Variants in TBC1D22A observed in about 807,000 individuals in gnomAD.
TBC1D22A encodes putative GTPase activator.
A neutral mutation model predicts 60.2 loss-of-function variants in TBC1D22A; 38 were observed. The ratio of observed to expected loss-of-function variants is 0.63; its 90% confidence interval spans 0.49 to 0.83. The LOEUF is 0.83. Ranked by LOEUF, TBC1D22A falls within the 40% of genes least tolerant of loss-of-function variation. The probability of loss-of-function intolerance (pLI) is 0.00; values close to 1 mark genes in which losing one functional copy is unlikely to be tolerated. For missense variants in TBC1D22A, 628 were observed against 701.0 expected (o/e 0.90, Z 1.18); for synonymous variants, 302 against 281.7 (o/e 1.07, Z -0.72).
At chr22:47,125,549 A>G (rs896916754) in intron 12 of TBC1D22A, among the ~76,000 whole-genome samples, 2 of 152,246 alleles carry the variant, frequency 1.3e-5, no homozygotes, top group African/African-American at 4.8e-5. Context: ...GCAGAGTTTA[A>G]TAGCTTTCTT....
At position 47,030,493 on chromosome 22, in the gene TBC1D22A, G is replaced by T. The variant is rs562222386; in HGVS notation, c.1202-6578G>T. On this transcript the variant is annotated intron_variant, in intron 10 of 12. Coordinates refer to ENST00000337137, the MANE Select transcript of TBC1D22A (RefSeq NM_014346.5). ...TGTGGATCTGCTGTTTAAAGTGCTG[G>T]GAAAAGTGTTCAACAAATATTGTGG... Among the ~76,000 whole-genome samples, 3 of 152,320 alleles carry T rather than the reference G, an allele frequency of 2.0e-5. No homozygotes were observed. The East Asian group carries it at 5.8e-4, about 29-fold the overall frequency.
intron 1 of TBC1D22A, among the ~76,000 whole-genome samples, chr22:46,769,334 A>G (rs1037392081): frequency 1.3e-5 from 2 of 152,206 alleles, no homozygotes; most frequent in African/African-American, 4.8e-5. Context: ...GGGGATAATG[A>G]ATTCATTTGG....
chr22:46,898,956 C>T (rs545406438), intron 7 of TBC1D22A, among the ~76,000 whole-genome samples: 1 of 152,228 alleles, frequency 6.6e-6, no homozygotes, highest in South Asian at 2.1e-4. Context: ...CCTATGTGCT[C>T]CCCCTGGGGG....
chr22:46,908,434 C>T (rs766134553), intron 7 of TBC1D22A, among the ~76,000 whole-genome samples: 8 of 152,170 alleles, frequency 5.3e-5, no homozygotes, highest in African/African-American at 7.2e-5. Flanking sequence ...CACTTTTCAC[C>T]GTTGCAGCCT....
chr22:46,937,596 T>C (rs1456600804), intron 8 of TBC1D22A, among the ~76,000 whole-genome samples: 1 of 152,178 alleles, frequency 6.6e-6, no homozygotes. Flanking sequence ...AAAAAAGTTA[T>C]TTAAAAAAAA....
At chr22:47,097,816 C>G (rs1363640764) in intron 11 of TBC1D22A, among the ~76,000 whole-genome samples, 1 of 152,102 alleles carries the variant, frequency 6.6e-6, no homozygotes, top group African/African-American at 2.4e-5. Flanking sequence ...CTGTGTTCTT[C>G]TGTCCCTCTC....
intron 11 of TBC1D22A, among the ~76,000 whole-genome samples, chr22:47,085,660 G>A (rs1270994303): frequency 2.0e-5 from 3 of 152,082 alleles, no homozygotes; most frequent in Non-Finnish European, 2.9e-5. Flanking sequence ...AAATATATAT[G>A]TCAGAAGTCG....
At chr22:46,826,734 C>G (rs906116784) in intron 4 of TBC1D22A, among the ~76,000 whole-genome samples, 1 of 152,100 alleles carries the variant, frequency 6.6e-6, no homozygotes, top group South Asian at 2.1e-4. Flanking sequence ...AGTGTTGTAC[C>G]CATTTTAGAG....
chr22:46,957,840 G>GTT (rs1378280527), intron 8 of TBC1D22A, among the ~76,000 whole-genome samples: 1 of 152,228 alleles, frequency 6.6e-6, no homozygotes, highest in African/African-American at 2.4e-5. Flanking sequence ...CGAGGGGAGG[G>GTT]ACGGCCATCA....
At chr22:46,790,556 C>A (rs1004303042) in intron 1 of TBC1D22A, among the ~76,000 whole-genome samples, 1 of 151,578 alleles carries the variant, frequency 6.6e-6, no homozygotes, top group Non-Finnish European at 1.5e-5. Flanking sequence ...TTTTTTTTTA[C>A]AAAGCAGTGA....
chr22:47,168,593 C>T (rs1216987981), intron 12 of TBC1D22A, among the ~76,000 whole-genome samples: 2 of 152,184 alleles, frequency 1.3e-5, no homozygotes, highest in African/African-American at 4.8e-5. Flanking sequence ...TTGCTTCCCT[C>T]GCTGCTGCCC....
At chr22:46,904,528 G>C (rs996103530) in intron 7 of TBC1D22A, among the ~76,000 whole-genome samples, 1 of 151,828 alleles carries the variant, frequency 6.6e-6, no homozygotes, top group Non-Finnish European at 1.5e-5. Context: ...GAGTGCAGTG[G>C]TGTGATCTTG....
rs530642698 is a variant in TBC1D22A, at chr22:47,113,137, G to A, written c.1425+1534G>A. Among the ~76,000 whole-genome samples, 11 of 152,368 alleles carry A rather than the reference G, an allele frequency of 7.2e-5. No homozygotes were observed. The East Asian group carries it at 2.1e-3, about 29-fold the overall frequency. ...ACTTACCTGTAGGGAGAAGGGCCCA[G>A]CCTCTCTGGTGCACAGCGGCCACTC... is the stretch of plus-strand genomic sequence containing the variant. On this transcript the variant is annotated intron_variant, in intron 12 of 12. Coordinates refer to ENST00000337137, the MANE Select transcript of TBC1D22A (RefSeq NM_014346.5).
At chr22:47,010,493 A>T (rs1034774641) in intron 10 of TBC1D22A, among the ~76,000 whole-genome samples, 10 of 152,156 alleles carry the variant, frequency 6.6e-5, no homozygotes, top group Admixed American at 2.0e-4. Flanking sequence ...ACTTTCTGGG[A>T]GGCGTGCTGT....
intron 11 of TBC1D22A, among the ~76,000 whole-genome samples, chr22:47,049,372 C>T (rs1176563904): frequency 1.3e-5 from 2 of 152,256 alleles, no homozygotes; most frequent in Admixed American, 6.5e-5. Context: ...CATCAGGGTC[C>T]CCCTGGGCAG....
intron 4 of TBC1D22A, among the ~76,000 whole-genome samples, chr22:46,854,639 C>G (rs1320724341): frequency 6.6e-6 from 1 of 151,698 alleles, no homozygotes; most frequent in Non-Finnish European, 1.5e-5. Flanking sequence ...TTTATGATGT[C>G]TGCCCAGGCA....
intron 12 of TBC1D22A, among the ~76,000 whole-genome samples, chr22:47,122,468 C>T (rs1248870820): frequency 6.6e-6 from 1 of 152,114 alleles, no homozygotes; most frequent in East Asian, 1.9e-4. Context: ...AATTCCAGTC[C>T]GTGACCTTTG....
intron 4 of TBC1D22A, among the ~76,000 whole-genome samples, chr22:46,857,973 TTCTC>T (rs538569655): frequency 2.6e-4 from 40 of 152,314 alleles, no homozygotes; most frequent in African/African-American, 9.6e-4. Context: ...GTGTTTTCCT[TTCTC>T]TCGGGGATAT....
chr22:46,936,466 A>G (rs996082102), intron 8 of TBC1D22A, among the ~76,000 whole-genome samples: 1 of 152,132 alleles, frequency 6.6e-6, no homozygotes, highest in Non-Finnish European at 1.5e-5. Flanking sequence ...AACAGTACAT[A>G]GCACATCTCT....
Sources: gnomAD v4.1 joint callset for allele counts (sites outside exome capture counted in the v4.1 genomes callset) on GRCh38, gnomAD v4.1.1 for gene constraint, MANE v1.5 for transcripts, NCBI Gene and HGNC (gene_info 2026-07-23, HGNC 2026-07-21) for gene names.